Variants in INPP4B observed in about 807,000 individuals in gnomAD.
INPP4B encodes the protein inositol polyphosphate 4-phosphatase type II.
INPP4B carries 55 observed loss-of-function variants against 122.5 expected under a neutral mutation model. The observed-to-expected ratio is 0.45, with a 90% CI of 0.36 to 0.56. INPP4B has a LOEUF of 0.56. INPP4B is among the 20% of genes least tolerant of loss of function. The pLI is 0.00. For synonymous variants in INPP4B, 403 were observed against 388.7 expected (o/e 1.04, Z -0.43); for missense variants, 1,000 against 1,097.7 (o/e 0.91, Z 1.26).
At chr4:142,800,701 A>G (rs889547764) in intron 1 of INPP4B, among the ~76,000 whole-genome samples, 1 of 152,204 alleles carries the variant, frequency 6.6e-6, no homozygotes, top group South Asian at 2.1e-4. Context: ...ATGTTATAGT[A>G]TAATACTGAC....
chr4:142,716,852 T>C (rs1362917695), intron 2 of INPP4B, among the ~76,000 whole-genome samples: 2 of 152,228 alleles, frequency 1.3e-5, no homozygotes, highest in Non-Finnish European at 2.9e-5. Flanking sequence ...GTTCTGAACC[T>C]TGGGCCTCAA....
chr4:142,323,391 C>T (rs959991656), intron 7 of INPP4B, among the ~76,000 whole-genome samples: 8 of 151,402 alleles, frequency 5.3e-5, no homozygotes, highest in Admixed American at 2.0e-4. Flanking sequence ...GTCTTCATTG[C>T]ACCTAAACAT....
At chr4:142,097,235 A>ATTTTATTTTG (rs1782288197) in intron 23 of INPP4B, among the ~76,000 whole-genome samples, 1 of 146,558 alleles carries the variant, frequency 6.8e-6, no homozygotes, top group African/African-American at 2.5e-5. Flanking sequence ...TTTTTATTTT[A>ATTTTATTTTG]TTTTATTTTA....
chr4:142,736,670 G>A (rs923722588), intron 1 of INPP4B, among the ~76,000 whole-genome samples: 6 of 152,168 alleles, frequency 3.9e-5, no homozygotes, highest in Non-Finnish European at 5.9e-5. Flanking sequence ...CTTTGCTGAA[G>A]TTGCTTATCA....
chr4:142,423,050 A>G lies in INPP4B; in HGVS notation c.136+6123T>C, dbSNP rs537354192. Among the ~76,000 whole-genome samples, 13 of 152,198 alleles carry G rather than the reference A, an allele frequency of 8.5e-5. No homozygotes were observed. The South Asian group carries it at 2.7e-3, about 32-fold the overall frequency. On this transcript the variant is annotated intron_variant, in intron 5 of 25. Transcript: ENST00000262992. The stretch of plus-strand genomic sequence containing the variant: ...AGCTAGCATGCCATGTAAAAGGCAA[A>G]AATACTAAAGAAGATATCCTAAAAC...
chr4:142,803,910 T>C (rs1356799860), intron 1 of INPP4B, among the ~76,000 whole-genome samples: 3 of 151,740 alleles, frequency 2.0e-5, no homozygotes, highest in Non-Finnish European at 4.4e-5. Flanking sequence ...TACAAAAAAA[T>C]TAGCTGGGCA....
intron 1 of INPP4B, among the ~76,000 whole-genome samples, chr4:142,727,282 T>C (rs1250949654): frequency 6.6e-6 from 1 of 152,138 alleles, no homozygotes; most frequent in Non-Finnish European, 1.5e-5. Context: ...TTCAAGAAAT[T>C]GTGATATACT....
At chr4:142,302,000 T>C (rs1043780881) in intron 9 of INPP4B, among the ~76,000 whole-genome samples, 1 of 152,152 alleles carries the variant, frequency 6.6e-6, no homozygotes, top group Non-Finnish European at 1.5e-5. Context: ...TATAAGACAT[T>C]ATTACAATGT....
At chr4:142,356,429 T>C (rs765060735) in intron 7 of INPP4B, among the ~76,000 whole-genome samples, 6 of 151,444 alleles carry the variant, frequency 4.0e-5, no homozygotes, top group Non-Finnish European at 7.4e-5. Flanking sequence ...GAGAAGGAAA[T>C]GTGAGGAAAG....
At chr4:142,489,037 A>G (rs977161762) in intron 2 of INPP4B, among the ~76,000 whole-genome samples, 3 of 152,104 alleles carry the variant, frequency 2.0e-5, no homozygotes, top group African/African-American at 2.4e-5. Flanking sequence ...CTCCCCACAA[A>G]TTTTAATATC....
chr4:142,280,122 G>A (rs1907118), intron 9 of INPP4B, among the ~76,000 whole-genome samples: 32,048 of 151,670 alleles, frequency 0.21, 4,159 homozygotes, highest in African/African-American at 0.36. Flanking sequence ...ATCTCTGTAA[G>A]GAAAAACAGC....
chr4:142,658,991 A>G (rs1295387732), intron 2 of INPP4B, among the ~76,000 whole-genome samples: 1 of 152,208 alleles, frequency 6.6e-6, no homozygotes, highest in Non-Finnish European at 1.5e-5. Context: ...AGCCAACCCA[A>G]AAGGCGTATG....
intron 2 of INPP4B, among the ~76,000 whole-genome samples, chr4:142,653,211 C>G (rs1753394449): frequency 6.6e-6 from 1 of 152,104 alleles, no homozygotes; most frequent in South Asian, 2.1e-4. Flanking sequence ...ACACCTTATA[C>G]AAAACTGAAT....
At chr4:142,235,825 C>T (rs1425309911) in intron 12 of INPP4B, among the ~76,000 whole-genome samples, 2 of 152,034 alleles carry the variant, frequency 1.3e-5, no homozygotes, top group East Asian at 1.9e-4. Context: ...TTTGGGGATA[C>T]ATGTGATATT....
intron 2 of INPP4B, among the ~76,000 whole-genome samples, chr4:142,480,905 A>G (rs1252928550): frequency 6.6e-6 from 1 of 152,038 alleles, no homozygotes; most frequent in Non-Finnish European, 1.5e-5. Flanking sequence ...TAAGGGTGTT[A>G]TTTTTATAGT....
At chr4:142,363,781 G>C (rs1318590041) in intron 7 of INPP4B, among the ~76,000 whole-genome samples, 3 of 151,960 alleles carry the variant, frequency 2.0e-5, no homozygotes, top group Admixed American at 2.0e-4. Context: ...TTCTTCCAAA[G>C]GTTTTCAGAT....
chr4:142,766,339 C>T (rs866810145), intron 1 of INPP4B, among the ~76,000 whole-genome samples: 2 of 151,554 alleles, frequency 1.3e-5, no homozygotes, highest in Non-Finnish European at 1.5e-5. Context: ...TTAAATAATT[C>T]GTTTATGGTT....
intron 18 of INPP4B, among the ~76,000 whole-genome samples, chr4:142,129,848 T>A (rs1390678736): frequency 6.6e-6 from 1 of 152,176 alleles, no homozygotes; most frequent in Non-Finnish European, 1.5e-5. Context: ...CCCCCCCTCC[T>A]TTTTCATGAC....
intron 7 of INPP4B, among the ~76,000 whole-genome samples, chr4:142,334,252 C>T (rs1002691119): frequency 2.0e-5 from 3 of 152,148 alleles, no homozygotes; most frequent in Admixed American, 6.6e-5. Context: ...TACACACATA[C>T]ATATACTTGT....
Sources: gnomAD v4.1 joint callset for allele counts (sites outside exome capture counted in the v4.1 genomes callset) on GRCh38, gnomAD v4.1.1 for gene constraint, MANE v1.5 for transcripts, NCBI Gene and HGNC (gene_info 2026-07-23, HGNC 2026-07-21) for gene names.